The following ADGRD1 variants were observed in gnomAD, a reference collection of about 807,000 sequenced individuals.
The protein encoded by ADGRD1 is adhesion G protein-coupled receptor D1.
Under a neutral mutation model 113.4 loss-of-function variants are expected in ADGRD1, and 77 were observed. The ratio of observed to expected loss-of-function variants is 0.68; its 90% CI spans 0.57 to 0.82. ADGRD1 has a LOEUF of 0.82. Ranked by LOEUF, ADGRD1 falls within the 40% of genes least tolerant of loss-of-function variation. The probability of loss-of-function intolerance (pLI) is 0.00; values close to 1 mark genes in which losing one functional copy is unlikely to be tolerated. For synonymous variants in ADGRD1, 474 were observed against 475.0 expected, an observed-to-expected ratio of 1.00 and a Z score of 0.03; for missense variants, 1,036 against 1,139.1, an observed-to-expected ratio of 0.91 and a Z score of 1.30.
intron 18 of ADGRD1, among the ~76,000 whole-genome samples, chr12:131,115,322 C>T (rs1050600744): frequency 2.6e-5 from 4 of 152,180 alleles, no homozygotes; most frequent in African/African-American, 7.2e-5. Context: ...CCATAAGACA[C>T]ATGTCCCTTC....
chr12:130,987,479 C>G, intron 6 of ADGRD1, 130 bp downstream of exon 6: 1 of 953,788 alleles, frequency 1.0e-6, no homozygotes, highest in East Asian at 2.6e-5. Context: ...TCCTAATGAA[C>G]CTTATAAACA....
intron 13 of ADGRD1, among the ~76,000 whole-genome samples, chr12:131,032,344 C>G (rs116861403): frequency 6.6e-6 from 1 of 151,612 alleles, no homozygotes; most frequent in Non-Finnish European, 1.5e-5. Flanking sequence ...TCCACGAGCA[C>G]GAATCATCTC....
At chr12:131,120,817 T>C in intron 19 of ADGRD1, 30 bp from the exon 20 acceptor site, 1 of 1,613,320 alleles carries the variant, frequency 6.2e-7, no homozygotes, top group Non-Finnish European at 8.5e-7. Flanking sequence ...AACGAGGTTG[T>C]TGAAGTAACG....
At chr12:131,068,296 G>A (rs1361368078) in intron 13 of ADGRD1, among the ~76,000 whole-genome samples, 1 of 152,194 alleles carries the variant, frequency 6.6e-6, no homozygotes, top group African/African-American at 2.4e-5. Flanking sequence ...CATGGGTGGC[G>A]CTGGAATGGT....
chr12:131,080,214 C>T (rs922477471), intron 14 of ADGRD1, among the ~76,000 whole-genome samples: 3 of 152,080 alleles, frequency 2.0e-5, no homozygotes, highest in African/African-American at 7.2e-5. Context: ...TTGTGACTTC[C>T]TCTTCAACCT....
chr12:131,005,353 C>T (rs1183414901), intron 11 of ADGRD1, among the ~76,000 whole-genome samples: 4 of 152,214 alleles, frequency 2.6e-5, no homozygotes, highest in Non-Finnish European at 5.9e-5. Context: ...GCTGGGAGTG[C>T]CCTGATTTCC....
At chr12:131,136,436 T>A (rs1951087898) in intron 22 of ADGRD1, among the ~76,000 whole-genome samples, 1 of 152,226 alleles carries the variant, frequency 6.6e-6, no homozygotes. Context: ...ACAGTCTGCC[T>A]GTGGCAGCTC....
At chr12:131,129,828 C>T (rs1015533880) in intron 20 of ADGRD1, among the ~76,000 whole-genome samples, 54 of 152,256 alleles carry the variant, frequency 3.5e-4, no homozygotes, top group African/African-American at 1.3e-3. Flanking sequence ...CTTGGGGCAC[C>T]TTCCATCTCC....
At chr12:130,979,817 T>TCACACACACACACACACACA (rs10526212) in intron 4 of ADGRD1, among the ~76,000 whole-genome samples, 75 of 53,920 alleles carry the variant, frequency 1.4e-3, no homozygotes, top group Admixed American at 3.3e-3. Context: ...AGCTAGTGTC[T>TCACACACACACACACACACA]CACACACACA....
In ADGRD1 at chr12:131,131,659, C is replaced by T. The variant is rs377039961; in HGVS notation, c.2176-66C>T. Reference sequence around the variant, plus strand: ...GCCTGTGGTGAGGGCAGTGGCCAGGCGGACGCAGCTCTCCTGCAGGTGCAG... The same window carrying T: ...GCCTGTGGTGAGGGCAGTGGCCAGGTGGACGCAGCTCTCCTGCAGGTGCAG... On this transcript the variant is annotated intron_variant, in intron 20 of 24. Coordinates refer to ENST00000261654, the MANE Select transcript of ADGRD1 (RefSeq NM_198827.5). 2.7e-4 allele frequency: 313 copies of T among 1,149,412 alleles called. 2 individuals are homozygous for T. In the African/African-American group the frequency reaches 4.1e-3, roughly 15 times the overall value. The allele number at this position is 1,149,412 out of a possible 1,614,324, so 71.2% of individuals were successfully genotyped here. A position where few individuals can be genotyped will look rare whatever the true frequency, so the allele number is the denominator to read the frequency against.
At chr12:131,112,351 A>G (rs942676453) in intron 18 of ADGRD1, among the ~76,000 whole-genome samples, 1 of 152,168 alleles carries the variant, frequency 6.6e-6, no homozygotes, top group Non-Finnish European at 1.5e-5. Context: ...GTTGTTCCCA[A>G]CAATAGCTTG....
chr12:131,105,037 A>G, intron 16 of ADGRD1, 103 bp downstream of exon 16: 1 of 814,444 alleles, frequency 1.2e-6, no homozygotes, highest in Middle Eastern at 2.3e-4. Flanking sequence ...TGTGGAGGTA[A>G]GAGCACCAGG....
chr12:131,137,159 T>C (rs1951107640), intron 23 of ADGRD1, 145 bp downstream of exon 23: 2 of 721,898 alleles, frequency 2.8e-6, no homozygotes, highest in African/African-American at 3.4e-5. Context: ...TGCCAAGTTG[T>C]GTGCCCTGGG....
At chr12:130,975,276 T>C (rs1872176604) in intron 4 of ADGRD1, among the ~76,000 whole-genome samples, 2 of 152,288 alleles carry the variant, frequency 1.3e-5, no homozygotes, top group Non-Finnish European at 2.9e-5. Context: ...CCTACATTTC[T>C]TCCCACAACT....
At position 131,101,230 on chromosome 12, in the gene ADGRD1, C is replaced by G. The variant is rs533877666; in HGVS notation, c.1672-3601C>G. ...GAGCCAGGGCTTTGTGGGGTGGAGA[C>G]CTGTGTGGGGTGCATCTCTTGGGGG... On this transcript the variant is annotated intron_variant, in intron 15 of 24. Transcript: ENST00000261654. 2.0e-5 allele frequency among the ~76,000 whole-genome samples: 3 copies of G among 151,900 alleles called. No homozygotes were observed. In the South Asian group the frequency reaches 6.3e-4, roughly 32 times the overall value.
rs1257538948 is a variant in ADGRD1 at position 131,108,730 on chromosome 12, T to C, written c.1894T>C (p.Cys632Arg). The change falls in exon 18 of 25, where the codon TGC (cysteine) becomes CGC (arginine). Residue 632 changes from cysteine (C) to arginine (R), a missense_variant. Cys to Arg is a radical substitution (Grantham distance 180). Transcript: ENST00000261654. Reference protein sequence around the residue: ...SFRLEPGTTPCQVMAVLLHYF... With the variant: ...SFRLEPGTTPRQVMAVLLHYF... ...ATCTCTGGTTAAATCCTAGACCCCC[T>C]GCCAAGTGATGGCCGTGCTCCTACA... The C allele has an allele frequency of 6.2e-7, 1 of 1,614,116 alleles. No individual in the cohort carries two copies. Among genetic ancestry groups the C allele is most frequent in the South Asian group, 1.1e-5 (1 of 91,074 alleles).
In ADGRD1 at chr12:131,009,514, ATTGT is replaced by A. The variant is rs1361216796; in HGVS notation, c.1331+3471_1331+3474del. Among the ~76,000 whole-genome samples, 10 of 152,150 alleles carry A rather than the reference ATTGT, an allele frequency of 6.6e-5. No individual in the cohort carries two copies. The South Asian group carries it at 1.5e-3, about 22-fold the overall frequency. On this transcript the variant is annotated intron_variant, in intron 12 of 24. Coordinates refer to ENST00000261654, the MANE Select transcript of ADGRD1 (RefSeq NM_198827.5). ...CCTCGTTAAATTTCTGAGTGTGATC[ATTGT>A]TTGATGGTTATATAGGAGGCAGTCT...
At chr12:131,058,181 GTTT>G (rs1406270883) in intron 13 of ADGRD1, among the ~76,000 whole-genome samples, 1 of 152,282 alleles carries the variant, frequency 6.6e-6, no homozygotes, top group East Asian at 1.9e-4. Context: ...CAGAGTCTGG[GTTT>G]TTTATTTCAT....
At chr12:131,036,851 GC>G (rs147714644) in intron 13 of ADGRD1, among the ~76,000 whole-genome samples, 2,348 of 146,394 alleles carry the variant, frequency 0.016, 62 homozygotes, top group African/African-American at 0.057. Context: ...ACTGCATGGG[GC>G]CTCACTCACT....
Sources: gnomAD v4.1 joint callset for allele counts (sites outside exome capture counted in the v4.1 genomes callset) on GRCh38, gnomAD v4.1.1 for gene constraint, MANE v1.5 for transcripts, NCBI Gene and HGNC (gene_info 2026-07-23, HGNC 2026-07-21) for gene names.